Variants in CAPZB observed in about 807,000 individuals in gnomAD.
The protein encoded by CAPZB is F-actin-capping protein subunit beta.
CAPZB carries 2 observed loss-of-function variants against 38.1 expected under a neutral mutation model. The observed-to-expected ratio is 0.05, with a 90% CI of 0.02 to 0.17. The LOEUF is 0.17. Among genes scored for constraint, CAPZB ranks in the 10% least tolerant of loss-of-function variants. CAPZB has a pLI of 1.00. For synonymous variants in CAPZB, 107 were observed against 127.4 expected, an observed-to-expected ratio of 0.84 and a Z score of 1.08; for missense variants, 161 against 334.2, an observed-to-expected ratio of 0.48 and a Z score of 4.04.
chr1:19,374,950 C>G (rs1473034126), intron 4 of CAPZB, among the ~76,000 whole-genome samples: 2 of 152,150 alleles, frequency 1.3e-5, no homozygotes. Flanking sequence ...GCCTCTCCAC[C>G]CCATGGAACA....
chr1:19,413,105 C>T (rs2094364209), intron 2 of CAPZB, among the ~76,000 whole-genome samples: 1 of 152,210 alleles, frequency 6.6e-6, no homozygotes, highest in Non-Finnish European at 1.5e-5. Flanking sequence ...ATCCTCAGAG[C>T]TTATTCACTG....
At chr1:19,383,526 T>G (rs555651711) in intron 3 of CAPZB, among the ~76,000 whole-genome samples, 63 of 151,772 alleles carry the variant, frequency 4.2e-4, no homozygotes, top group African/African-American at 1.4e-3. Flanking sequence ...TTCGCATCAC[T>G]GCACTACAGC....
Position 19,396,600 on chromosome 1 carries a change from C to T in CAPZB, c.94-10974G>A, listed in dbSNP as rs544506672. 3.2e-3 allele frequency among the ~76,000 whole-genome samples: 494 copies of T among 152,190 alleles called. 2 individuals carry two copies. The highest frequency in any genetic ancestry group is 0.011 in the African/African-American group (447 of 41,534). Reference sequence around the variant, plus strand: ...CACGGGGTAGCTGCTGTTCTCTTCCCGGACGGTCCTCAGTCCTCGGTCCAG... The same window carrying T: ...CACGGGGTAGCTGCTGTTCTCTTCCTGGACGGTCCTCAGTCCTCGGTCCAG... On this transcript the variant is annotated intron_variant, in intron 2 of 8. Transcript: ENST00000264202.
At position 19,395,970 on chromosome 1, in the gene CAPZB, C is replaced by A. The variant is rs367924345; in HGVS notation, c.94-10344G>T. Among the ~76,000 whole-genome samples the A allele has an allele frequency of 1.2e-4, 19 of 152,360 alleles. No homozygotes were observed. The East Asian group carries it at 1.9e-3, about 15-fold the overall frequency. On this transcript the variant is annotated intron_variant, in intron 2 of 8. Transcript: ENST00000264202. Reference sequence around the variant, plus strand: ...GCTCCCCTGACTCAGGCTTGCCCCACACCCAGCATCCTGCATGTCTATCCA... The same window carrying A: ...GCTCCCCTGACTCAGGCTTGCCCCAAACCCAGCATCCTGCATGTCTATCCA...
intron 4 of CAPZB, among the ~76,000 whole-genome samples, chr1:19,366,041 C>T (rs1187064886): frequency 7.3e-6 from 1 of 137,906 alleles, no homozygotes; most frequent in African/African-American, 2.5e-5. Context: ...ACAGCTCCAA[C>T]ATGTAAGATT....
intron 1 of CAPZB, among the ~76,000 whole-genome samples, chr1:19,457,462 T>G (rs1008172258): frequency 7.2e-5 from 11 of 152,158 alleles, no homozygotes; most frequent in African/African-American, 2.7e-4. Flanking sequence ...CTTACAATAC[T>G]ATGTACTGAT....
Position 19,402,728 on chromosome 1 carries a change from C to T in CAPZB, c.93+16933G>A, listed in dbSNP as rs141708335. Among the ~76,000 whole-genome samples the T allele has an allele frequency of 2.6e-5, 4 of 152,290 alleles. No homozygotes were observed. The East Asian group carries it at 7.7e-4, about 29-fold the overall frequency. ...CCACGGTGTCCTCTGTGGTGCTCTG[C>T]AGTGCCCATGTTCCTCACATCAGAA... On this transcript the variant is annotated intron_variant, in intron 2 of 8. Coordinates refer to ENST00000264202, the MANE Select transcript of CAPZB (RefSeq NM_004930.5).
chr1:19,408,230 C>G (rs1403612543), intron 2 of CAPZB, among the ~76,000 whole-genome samples: 1 of 152,250 alleles, frequency 6.6e-6, no homozygotes, highest in Non-Finnish European at 1.5e-5. Context: ...GCTGGTGGAA[C>G]CCAGGAGTGA....
chr1:19,466,663 C>G (rs563051644), intron 1 of CAPZB, among the ~76,000 whole-genome samples: 1 of 152,286 alleles, frequency 6.6e-6, no homozygotes, highest in East Asian at 1.9e-4. Context: ...GATGCAGTCC[C>G]AAGTCACGCT....
chr1:19,382,094 G>A (rs2094178319), intron 3 of CAPZB, among the ~76,000 whole-genome samples: 1 of 151,814 alleles, frequency 6.6e-6, no homozygotes, highest in Admixed American at 6.6e-5. Context: ...GGGAAGACCC[G>A]ACCCAAGTGG....
intron 4 of CAPZB, among the ~76,000 whole-genome samples, chr1:19,378,071 T>C (rs928397816): frequency 6.6e-6 from 1 of 152,216 alleles, no homozygotes; most frequent in Non-Finnish European, 1.5e-5. Flanking sequence ...GGTCTGACTT[T>C]AATTCCTGGC....
intron 1 of CAPZB, among the ~76,000 whole-genome samples, chr1:19,426,056 C>G (rs1167148010): frequency 6.6e-6 from 1 of 152,162 alleles, no homozygotes; most frequent in Non-Finnish European, 1.5e-5. Flanking sequence ...GAGAGGTGAG[C>G]CAGGTGCGTG....
intron 2 of CAPZB, among the ~76,000 whole-genome samples, chr1:19,407,395 G>A (rs774153983): frequency 2.6e-5 from 4 of 152,190 alleles, no homozygotes; most frequent in Non-Finnish European, 5.9e-5. Context: ...CTGGGAGGTT[G>A]TGTAGGACCC....
intron 2 of CAPZB, among the ~76,000 whole-genome samples, chr1:19,410,790 A>G (rs1570177953): frequency 6.6e-6 from 1 of 152,230 alleles, no homozygotes; most frequent in Admixed American, 6.5e-5. Context: ...ATGGCATACT[A>G]TAATATTTTC....
chr1:19,477,192 T>C (rs1377732566), intron 1 of CAPZB, among the ~76,000 whole-genome samples: 1 of 152,226 alleles, frequency 6.6e-6, no homozygotes, highest in Non-Finnish European at 1.5e-5. Context: ...CTTCATTTCA[T>C]GGCATCCCCT....
chr1:19,350,618 T>A (rs796414258), intron 6 of CAPZB, among the ~76,000 whole-genome samples: 2 of 116,758 alleles, frequency 1.7e-5, no homozygotes, highest in South Asian at 5.6e-4. Flanking sequence ...AGTAATTGTT[T>A]TTATTTTTAT....
At chr1:19,452,694 C>G (rs1166853260) in intron 1 of CAPZB, among the ~76,000 whole-genome samples, 1 of 152,096 alleles carries the variant, frequency 6.6e-6, no homozygotes, top group Non-Finnish European at 1.5e-5. Flanking sequence ...AACTCCCCAT[C>G]TGTTCCTCTG....
intron 8 of CAPZB, among the ~76,000 whole-genome samples, chr1:19,343,137 G>A (rs2093941515): frequency 3.3e-5 from 5 of 152,308 alleles, no homozygotes; most frequent in Admixed American, 1.3e-4. Context: ...GTGCAGGTTG[G>A]CTGGGCGGGA....
At chr1:19,359,210 CTTTTTT>C (rs57251931) in intron 4 of CAPZB, among the ~76,000 whole-genome samples, 14 of 114,406 alleles carry the variant, frequency 1.2e-4, no homozygotes, top group East Asian at 1.0e-3. Flanking sequence ...TCTCTGTACT[CTTTTTT>C]TTTTTTTTTT....
Sources: gnomAD v4.1 joint callset for allele counts (sites outside exome capture counted in the v4.1 genomes callset) on GRCh38, gnomAD v4.1.1 for gene constraint, MANE v1.5 for transcripts, NCBI Gene and HGNC (gene_info 2026-07-23, HGNC 2026-07-21) for gene names.